Variants in LRRC37A2 observed in about 807,000 individuals in gnomAD.
LRRC37A2 encodes the protein leucine rich repeat containing 37 member A2.
Under a neutral mutation model 68.8 loss-of-function variants are expected in LRRC37A2, and 9 were observed. The observed-to-expected ratio is 0.13, with a 90% CI of 0.08 to 0.23. LRRC37A2 has a LOEUF of 0.23. Ranked by LOEUF, LRRC37A2 falls within the 10% of genes least tolerant of loss-of-function variation. The probability of loss-of-function intolerance (pLI) is 1.00; values close to 1 mark genes in which losing one functional copy is unlikely to be tolerated. For missense variants in LRRC37A2, 168 were observed against 950.4 expected (o/e 0.18, Z 10.82); for synonymous variants, 63 against 367.6 (o/e 0.17, Z 9.48).
At chr17:46,771,865 A>G in the LRRC37A2 span, among the ~76,000 whole-genome samples, 1 of 140,988 alleles carries the variant, frequency 7.1e-6, no homozygotes, top group Non-Finnish European at 1.6e-5. Flanking sequence ...CAGGCCGCCC[A>G]GGCCCCTCCG....
the LRRC37A2 span, chr17:46,721,701 C>A: frequency 6.2e-7 from 1 of 1,607,004 alleles, no homozygotes; most frequent in Non-Finnish European, 8.5e-7. Flanking sequence ...TCCAAATGAA[C>A]CTTTATGAGC....
the LRRC37A2 span, among the ~76,000 whole-genome samples, chr17:46,739,294 C>T: frequency 6.7e-6 from 1 of 148,888 alleles, no homozygotes; most frequent in Non-Finnish European, 1.5e-5. Flanking sequence ...TCGCTTGAAC[C>T]CAGGAGGTGG....
chr17:46,966,608 C>T, the LRRC37A2 span: 8 of 687,206 alleles, frequency 1.2e-5, no homozygotes, highest in African/African-American at 7.1e-5. Flanking sequence ...ATCAGCCTCC[C>T]GAAGTGCTGG....
chr17:46,714,623 A>G, the LRRC37A2 span, among the ~76,000 whole-genome samples: 1 of 152,338 alleles, frequency 6.6e-6, no homozygotes. Context: ...CTTACATTCA[A>G]GCAAGTGCCA....
At chr17:46,965,048 A>G in the LRRC37A2 span, 1 of 152,184 alleles carries the variant, frequency 6.6e-6, no homozygotes, top group Non-Finnish European at 1.5e-5. Flanking sequence ...CGGTAAGTAC[A>G]TGTGTGATGG....
the LRRC37A2 span, among the ~76,000 whole-genome samples, chr17:46,999,998 CAAAATAAAAT>C: frequency 3.4e-3 from 165 of 48,408 alleles, 2 homozygotes; most frequent in African/African-American, 6.3e-3. Context: ...GACTCCATCT[CAAAATAAAAT>C]AAAATAAAAT....
chr17:46,820,000 G>A, the LRRC37A2 span, among the ~76,000 whole-genome samples: 1 of 152,238 alleles, frequency 6.6e-6, no homozygotes, highest in Admixed American at 6.5e-5. This position sits in a 1 kb window ranked among gnomAD's most constrained non-coding sequence, Gnocchi z 5.3. Flanking sequence ...CGCTGTGTAG[G>A]GAACTGTGGC....
At chr17:47,019,602 T>C in the LRRC37A2 span, 12,346 of 1,453,936 alleles carry the variant, frequency 8.5e-3, 139 homozygotes, top group Middle Eastern at 0.026. Flanking sequence ...TCAGGATTCA[T>C]TGGTGCAGTC....
chr17:46,769,459 A>G, the LRRC37A2 span, among the ~76,000 whole-genome samples: 1 of 152,210 alleles, frequency 6.6e-6, no homozygotes. Context: ...CTGAATTCAA[A>G]GCCAGGTTCC....
At chr17:46,894,692 C>G in the LRRC37A2 span, among the ~76,000 whole-genome samples, 1 of 152,232 alleles carries the variant, frequency 6.6e-6, no homozygotes, top group Admixed American at 6.5e-5. Context: ...GCCGGCCCCC[C>G]TCCTGTGGAA....
chr17:47,021,892 A>G, the LRRC37A2 span: 7 of 1,529,848 alleles, frequency 4.6e-6, no homozygotes, highest in Admixed American at 5.0e-5. Flanking sequence ...ATGGAAATGT[A>G]TGGAAAGTGT....
At chr17:46,568,516 G>A in the LRRC37A2 span, among the ~76,000 whole-genome samples, 1 of 114,776 alleles carries the variant, frequency 8.7e-6, no homozygotes, top group Non-Finnish European at 1.8e-5. Context: ...AAAAAAAGAG[G>A]GGGGGAGGCC....
the LRRC37A2 span, among the ~76,000 whole-genome samples, chr17:46,905,225 AC>A: frequency 6.6e-6 from 1 of 151,960 alleles, no homozygotes; most frequent in African/African-American, 2.4e-5. Context: ...GGTGCCTACC[AC>A]CACACCTGGC....
chr17:47,037,149 G>A, the LRRC37A2 span, among the ~76,000 whole-genome samples: 2 of 147,264 alleles, frequency 1.4e-5, no homozygotes, highest in African/African-American at 5.0e-5. Context: ...AATTAGCAGG[G>A]GGTGGTGGCA....
chr17:46,734,341 T>C, the LRRC37A2 span, among the ~76,000 whole-genome samples: 1 of 152,294 alleles, frequency 6.6e-6, no homozygotes, highest in African/African-American at 2.4e-5. Context: ...CCAGACACAT[T>C]AATTTTAATC....
At chr17:47,000,479 C>T in the LRRC37A2 span, among the ~76,000 whole-genome samples, 1 of 152,028 alleles carries the variant, frequency 6.6e-6, no homozygotes, top group Non-Finnish European at 1.5e-5. Context: ...AAGTGATCTG[C>T]CCACCTTGGC....
the LRRC37A2 span, among the ~76,000 whole-genome samples, chr17:46,595,468 A>C: frequency 1.0e-5 from 1 of 99,982 alleles, no homozygotes; most frequent in Non-Finnish European, 1.7e-5. Flanking sequence ...TCAAACATTG[A>C]ATTTATTCCT....
the LRRC37A2 span, among the ~76,000 whole-genome samples, chr17:46,715,721 G>A: frequency 1.3e-5 from 2 of 152,082 alleles, no homozygotes; most frequent in African/African-American, 4.8e-5. Context: ...ACTTGAAGGG[G>A]GAAGGTAATA....
At chr17:46,765,956 G>A in the LRRC37A2 span, among the ~76,000 whole-genome samples, 1 of 152,244 alleles carries the variant, frequency 6.6e-6, no homozygotes, top group East Asian at 1.9e-4. Flanking sequence ...ACTGGTCACA[G>A]AGTGAGGCCT....
Sources: allele counts gnomAD v4.1 joint callset (sites outside exome capture counted in the v4.1 genomes callset), GRCh38; gene constraint gnomAD v4.1.1; non-coding constraint Gnocchi (gnomAD v3.1); transcripts MANE v1.5; gene names NCBI Gene and HGNC (gene_info 2026-07-23, HGNC 2026-07-21).